The following UGGT1 variants were observed in gnomAD, a reference collection of about 807,000 sequenced individuals.
The protein encoded by UGGT1 is UDP-glucose glycoprotein glucosyltransferase 1.
In UGGT1, 107 loss-of-function variants were observed where a neutral mutation model predicts 203.9. The observed-to-expected ratio is 0.52, with a 90% CI of 0.45 to 0.62. The LOEUF is 0.62. Among genes scored for constraint, UGGT1 ranks in the 20% least tolerant of loss-of-function variants. The pLI is 0.00. For missense variants in UGGT1, 1,673 were observed against 1,867.2 expected (o/e 0.90, Z 1.92); for synonymous variants, 628 against 653.5 (o/e 0.96, Z 0.59).
chr2:128,183,302 G>C (rs955436519), intron 37 of UGGT1, among the ~76,000 whole-genome samples: 6 of 152,148 alleles, frequency 3.9e-5, no homozygotes, highest in African/African-American at 1.4e-4. Context: ...AGAACTGTAA[G>C]GACTGTAACA....
At position 128,171,172 on chromosome 2, in the gene UGGT1, C is replaced by T. The variant is rs73955970; in HGVS notation, c.3025-33C>T. ...ATAATAAATTTCTGAAGAAAAAAAT[C>T]CTAAATATTTTGTCATCTGGTTTTC... On this transcript the variant is annotated intron_variant, in intron 27 of 40. Coordinates refer to ENST00000259253, the MANE Select transcript of UGGT1 (RefSeq NM_020120.4). 9.1e-4 allele frequency: 1,439 copies of T among 1,580,916 alleles called. 10 individuals are homozygous for T. The African/African-American group carries it at 0.014, about 16-fold the overall frequency.
intron 12 of UGGT1, 41 bp from the exon 13 acceptor site, chr2:128,128,988 T>C (rs1393125425): frequency 1.6e-5 from 24 of 1,488,364 alleles, no homozygotes; most frequent in Non-Finnish European, 1.9e-5. Flanking sequence ...TTTTAAAAGC[T>C]TTTTTTCCTA....
At chr2:128,138,129 C>T (rs1689222667) in intron 15 of UGGT1, among the ~76,000 whole-genome samples, 1 of 152,154 alleles carries the variant, frequency 6.6e-6, no homozygotes, top group Non-Finnish European at 1.5e-5. Flanking sequence ...TAGCAACGCT[C>T]TTCATGTCAG....
At chr2:128,104,209 A>G (rs941732815) in intron 3 of UGGT1, among the ~76,000 whole-genome samples, 195 bp downstream of exon 3, 22 of 152,262 alleles carry the variant, frequency 1.4e-4, no homozygotes, top group African/African-American at 4.6e-4. Context: ...ACCTTTGGCT[A>G]TAAGTGGTAC....
intron 5 of UGGT1, among the ~76,000 whole-genome samples, chr2:128,112,064 T>A (rs2105365911): frequency 6.6e-6 from 1 of 151,482 alleles, no homozygotes; most frequent in East Asian, 2.0e-4. Context: ...AGCTGAGCGA[T>A]CACGCGACTG....
chr2:128,115,246 G>A (rs777974345), intron 7 of UGGT1, 26 bp downstream of exon 7: 3 of 1,595,670 alleles, frequency 1.9e-6, no homozygotes, highest in Non-Finnish European at 2.6e-6. Context: ...TGGGACCAGT[G>A]TGCTTTCTTC....
At chr2:128,120,108 C>G (rs1254153005) in intron 8 of UGGT1, among the ~76,000 whole-genome samples, 1 of 152,064 alleles carries the variant, frequency 6.6e-6, no homozygotes, top group African/African-American at 2.4e-5. Context: ...CACTCTCAGT[C>G]TCCTTATCTA....
In UGGT1 at chr2:128,170,289, G is replaced by A. The variant is rs755728721; in HGVS notation, c.2923G>A (p.Ala975Thr). 13 of 1,613,810 alleles carry A rather than the reference G, an allele frequency of 8.1e-6. 1 individual carries two copies. The South Asian group carries it at 1.2e-4, about 15-fold the overall frequency. Residue 975 changes from alanine to threonine, a missense_variant and splice_region_variant, in exon 27 of 41, where the codon GCA (alanine) becomes ACA (threonine). Ala to Thr is a moderately conservative substitution (Grantham distance 58). Around this residue, in one of 4 missense-constraint regions of UGGT1, gnomAD observed 1,073 missense variants for 1,078.7 expected, o/e 0.99. Coordinates refer to ENST00000259253, the MANE Select transcript of UGGT1 (RefSeq NM_020120.4). ...EYQFFEDRHSAIKLRPKEGET... is the reference protein window; with the variant it reads ...EYQFFEDRHSTIKLRPKEGET... ...TGTTTTATCCTTGTGATCTTTCAGT[G>A]CAATCAAACTGAGGCCGAAGGAAGG...
At chr2:128,142,379 T>C (rs1235979888) in intron 16 of UGGT1, among the ~76,000 whole-genome samples, 2 of 142,794 alleles carry the variant, frequency 1.4e-5, no homozygotes, top group Non-Finnish European at 3.1e-5. Context: ...AGGTCAGGAG[T>C]TCAAGACCAG....
chr2:128,168,950 G>A (rs1176991763), intron 26 of UGGT1, among the ~76,000 whole-genome samples: 2 of 151,070 alleles, frequency 1.3e-5, no homozygotes, highest in Non-Finnish European at 2.9e-5. Flanking sequence ...TGGTGGCTGG[G>A]GCGCGAGGAT....
intron 18 of UGGT1, among the ~76,000 whole-genome samples, chr2:128,152,218 A>G (rs905121831): frequency 2.6e-5 from 4 of 151,882 alleles, no homozygotes; most frequent in Non-Finnish European, 4.4e-5. Flanking sequence ...TCTGTAGCCC[A>G]GTGCAGTGGC....
At chr2:128,106,246 T>C (rs1202530777) in intron 3 of UGGT1, among the ~76,000 whole-genome samples, 1 of 152,140 alleles carries the variant, frequency 6.6e-6, no homozygotes, top group Admixed American at 6.5e-5. Context: ...AGAACAAATT[T>C]ATCAAAGTGG....
intron 14 of UGGT1, 99 bp downstream of exon 14, chr2:128,133,359 T>G: frequency 6.8e-7 from 1 of 1,473,998 alleles, no homozygotes; most frequent in Non-Finnish European, 9.3e-7. Flanking sequence ...CTTTACTAGC[T>G]GCTTCCTCCC....
chr2:128,118,017 G>GC (rs1688211691), intron 8 of UGGT1, among the ~76,000 whole-genome samples: 2 of 148,942 alleles, frequency 1.3e-5, no homozygotes, highest in African/African-American at 2.5e-5. Context: ...AGAGAGAGAG[G>GC]GAAAGAGAGA....
chr2:128,101,124 G>A (rs1430268112), intron 2 of UGGT1, among the ~76,000 whole-genome samples: 1 of 152,004 alleles, frequency 6.6e-6, no homozygotes, highest in Non-Finnish European at 1.5e-5. Context: ...AAGGTAATAC[G>A]ACATGTAGGC....
Position 128,153,724 on chromosome 2 carries a change from T to C in UGGT1, c.2137+820T>C, listed in dbSNP as rs115707232. Among the ~76,000 whole-genome samples the C allele has an allele frequency of 5.0e-3, 761 of 152,308 alleles. 8 individuals carry two copies. The highest frequency in any genetic ancestry group is 0.017 in the African/African-American group (721 of 41,556). ...TTTATGGATAGTCCACATATATCTG[T>C]TCCTCAGTTGGTGGACAGTTGGCAG... On this transcript the variant is annotated intron_variant, in intron 19 of 40. Transcript: ENST00000259253.
chr2:128,136,929 T>C (rs1253308931), intron 15 of UGGT1, among the ~76,000 whole-genome samples: 2 of 152,208 alleles, frequency 1.3e-5, no homozygotes, highest in African/African-American at 4.8e-5. Flanking sequence ...TGGTATGTCA[T>C]TGTTGTTTAA....
intron 5 of UGGT1, among the ~76,000 whole-genome samples, chr2:128,112,078 TC>T (rs1440370845): frequency 1.3e-5 from 2 of 151,458 alleles, no homozygotes; most frequent in African/African-American, 2.4e-5. Flanking sequence ...GCGACTGTGC[TC>T]TAGCCTAAGT....
At chr2:128,124,274 C>G (rs189009626) in intron 11 of UGGT1, among the ~76,000 whole-genome samples, 1 of 151,874 alleles carries the variant, frequency 6.6e-6, no homozygotes, top group African/African-American at 2.4e-5. Flanking sequence ...ATTGATAGCT[C>G]GTTATACAAT....
Sources: gnomAD v4.1 joint callset for allele counts (sites outside exome capture counted in the v4.1 genomes callset) on GRCh38, gnomAD v4.1.1 for gene constraint, gnomAD v4.1.1 regional missense constraint, MANE v1.5 for transcripts, NCBI Gene and HGNC (gene_info 2026-07-23, HGNC 2026-07-21) for gene names.